The following SBNO2 variants were observed in gnomAD, a reference collection of about 807,000 sequenced individuals.
SBNO2 encodes the protein protein strawberry notch homolog 2.
SBNO2 carries 89 observed loss-of-function variants against 146.3 expected under a neutral mutation model. That is an observed-to-expected ratio of 0.61 (90% confidence interval 0.51 to 0.73). The LOEUF (loss-of-function observed/expected upper bound fraction) is 0.73. SBNO2 is among the 30% of genes least tolerant of loss of function. The pLI is 0.00. For missense variants in SBNO2, 2,092 were observed against 2,003.7 expected, an observed-to-expected ratio of 1.04 and a Z score of -0.84; for synonymous variants, 1,147 against 892.6, an observed-to-expected ratio of 1.29 and a Z score of -5.08.
intron 4 of SBNO2, chr19:1,131,961 C>T (rs886465315): frequency 1.2e-5 from 7 of 577,934 alleles, no homozygotes; most frequent in African/African-American, 7.9e-5. Flanking sequence ...TTTTTTAGAT[C>T]CTGGCGGCCT....
chr19:1,120,974 C>G (rs2079894505), intron 11 of SBNO2, among the ~76,000 whole-genome samples: 1 of 152,148 alleles, frequency 6.6e-6, no homozygotes, highest in Admixed American at 6.6e-5. Context: ...TCACTGCCAC[C>G]TCTGCCTCCT....
At position 1,144,234 on chromosome 19, in the gene SBNO2, A is replaced by G. The variant is rs2080165499; in HGVS notation, c.279+3075T>C. The stretch of plus-strand genomic sequence containing the variant: ...CCAGCCCACAGGACTGAGCTGACCC[A>G]CACCCGTCCCATCCCACACTCAGCA... On this transcript the variant is annotated intron_variant, in intron 4 of 31. Transcript: ENST00000361757. This position sits in a 1 kb window ranked among gnomAD's most constrained non-coding sequence, Gnocchi z 4.1. 6.6e-6 allele frequency among the ~76,000 whole-genome samples: 1 copy of G among 151,436 alleles called. No homozygotes were observed. Among genetic ancestry groups the G allele is most frequent in the South Asian group, 2.1e-4 (1 of 4,802 alleles).
At position 1,126,116 on chromosome 19, in the gene SBNO2, T is replaced by C. The variant is rs566331713; in HGVS notation, c.441+1488A>G. Among the ~76,000 whole-genome samples the C allele has an allele frequency of 2.0e-5, 3 of 152,322 alleles. No individual in the cohort carries two copies. Among genetic ancestry groups the C allele is most frequent in the Admixed American group, 6.5e-5 (1 of 15,292 alleles). ...GCCTGCCTGAGCCCGGGCCGGGTTCTCGGCAGTGTGTGGGAGCCACCAGGC... is the reference window on the plus strand; with the variant it reads ...GCCTGCCTGAGCCCGGGCCGGGTTCCCGGCAGTGTGTGGGAGCCACCAGGC... On this transcript the variant is annotated intron_variant, in intron 5 of 31. Transcript: ENST00000361757. The surrounding 1 kb of genome is among the most constrained non-coding windows in gnomAD (Gnocchi z 4.4).
At position 1,114,420 on chromosome 19, in the gene SBNO2, G is replaced by A. The variant is rs1366472161; in HGVS notation, c.1888C>T (p.Arg630Ter). The stretch of plus-strand genomic sequence containing the variant: ...GCTTTGGCCCCGCGTCCCCGAGGTC[G>A]CCCTGCAGGGAAGGACAGGGTCACC... ...DRGAGSKRKRRPRGRGAKAPR... is the reference protein window; with the variant it reads ...DRGAGSKRKR The change falls in exon 18 of 32, where the codon CGA (arginine) becomes TGA (stop). Residue 630 changes from arginine to a stop codon, truncating the protein, a stop_gained and splice_region_variant. Coordinates refer to ENST00000361757, the MANE Select transcript of SBNO2 (RefSeq NM_014963.3). LOFTEE classifies it high-confidence loss of function. 7 of 1,523,752 alleles carry A rather than the reference G, an allele frequency of 4.6e-6. No homozygotes were observed. The highest frequency in any genetic ancestry group is 2.1e-5 in the Admixed American group (1 of 48,330). The allele number at this position is 1,523,752 out of a possible 1,614,324, so 94.4% of individuals were successfully genotyped here. A position where few individuals can be genotyped will look rare whatever the true frequency, so the allele number is the denominator to read the frequency against.
intron 5 of SBNO2, among the ~76,000 whole-genome samples, chr19:1,125,024 A>T (rs1490801718): frequency 6.6e-6 from 1 of 152,042 alleles, no homozygotes; most frequent in Admixed American, 6.6e-5. Context: ...ACTCTTAAAA[A>T]GCAAAAATCC....
chr19:1,110,401 C>T lies in SBNO2; in HGVS notation c.3028+344G>A, dbSNP rs931125578. On this transcript the variant is annotated intron_variant, in intron 26 of 31. Transcript: ENST00000361757. The surrounding 1 kb of genome is among the most constrained non-coding windows in gnomAD (Gnocchi z 4.9). ...CACCAGCCTGGGCACCTTCCAGAGA[C>T]GTGCACGGTGATCCCACGAGCCCTG... 3.3e-5 allele frequency among the ~76,000 whole-genome samples: 5 copies of T among 152,168 alleles called. No homozygotes were observed. Among genetic ancestry groups the T allele is most frequent in the African/African-American group, 9.7e-5 (4 of 41,408 alleles).
rs759043087 is a variant in SBNO2, at chr19:1,114,237, C to T, written c.2071G>A (p.Asp691Asn). 37 of 1,491,512 alleles carry T rather than the reference C, an allele frequency of 2.5e-5. 1 individual carries two copies. In the South Asian group the frequency reaches 3.5e-4, roughly 14 times the overall value. 92.4% of individuals were successfully genotyped at this position (1,491,512 alleles called of 1,614,324 possible). Residue 691 changes from aspartate (D) to asparagine (N), a missense_variant, in exon 18 of 32, where the codon GAC becomes AAC. By Grantham distance (23) the Asp-to-Asn change is conservative. Coordinates refer to ENST00000361757, the MANE Select transcript of SBNO2 (RefSeq NM_014963.3). ...IVDAVGLPSD[D>N]RGPLCLLQRD... is the part of the protein sequence containing the mutation. Reference sequence around the variant, plus strand: ...AGCCTGGGCAAGCCCTCACCCCGGTCGTCACTGGGGAGCCCGACTGCATCA... The same window carrying T: ...AGCCTGGGCAAGCCCTCACCCCGGTTGTCACTGGGGAGCCCGACTGCATCA...
At chr19:1,164,269 G>A (rs921620981) in intron 1 of SBNO2, among the ~76,000 whole-genome samples, 29 of 152,166 alleles carry the variant, frequency 1.9e-4, no homozygotes, top group Non-Finnish European at 3.2e-4. Context: ...GCGGGTGGCC[G>A]AACTGACAGC....
intron 7 of SBNO2, among the ~76,000 whole-genome samples, 159 bp downstream of exon 7, chr19:1,123,375 T>C (rs1195347936): frequency 6.6e-6 from 1 of 152,118 alleles, no homozygotes; most frequent in East Asian, 1.9e-4. Context: ...CCCGGTTTTG[T>C]ATAAGCCTGG....
At chr19:1,163,784 A>G (rs1446619851) in intron 1 of SBNO2, among the ~76,000 whole-genome samples, 2 of 152,168 alleles carry the variant, frequency 1.3e-5, no homozygotes, top group East Asian at 3.9e-4. Flanking sequence ...CCCTCAATTT[A>G]GGATGAGGAC....
chr19:1,112,191 G>T lies in SBNO2; in HGVS notation c.2626C>A (p.Leu876Met). Reference sequence around the variant, plus strand: ...CAGCCCCACCCCCACCTGCTCACCAGACTCTCCAGGCGCTTGGCCACGATG... The same window carrying T: ...CAGCCCCACCCCCACCTGCTCACCATACTCTCCAGGCGCTTGGCCACGATG... ...ASIVAKRLESLGALTHGDRRA... is the reference protein window; with the variant it reads ...ASIVAKRLESMGALTHGDRRA... Residue 876 changes from leucine to methionine, a missense_variant and splice_region_variant, in exon 22 of 32, where the codon CTG (leucine) becomes ATG (methionine). Coordinates refer to ENST00000361757, the MANE Select transcript of SBNO2 (RefSeq NM_014963.3). The surrounding 1 kb of genome is among the most constrained non-coding windows in gnomAD (Gnocchi z 5.9). 1 of 1,585,290 alleles carries T rather than the reference G, an allele frequency of 6.3e-7. No individual in the cohort carries two copies. The highest frequency in any genetic ancestry group is 2.3e-5 in the East Asian group (1 of 43,634).
At chr19:1,119,729 C>A (rs2079877465) in intron 12 of SBNO2, 108 bp from the exon 13 acceptor site, 2 of 1,071,520 alleles carry the variant, frequency 1.9e-6, no homozygotes, top group African/African-American at 3.1e-5. Flanking sequence ...GGGGTTGGAG[C>A]CATGGGCCTG....
rs2079767918 is a variant in SBNO2, at chr19:1,111,985, C to T, written c.2700+11G>A. On this transcript the variant is annotated intron_variant, in intron 23 of 31. Coordinates refer to ENST00000361757, the MANE Select transcript of SBNO2 (RefSeq NM_014963.3). ...CTGCCCCGCCCCCCAACCCTGCCTT[C>T]CCTGCAGTACCTTGTTCTCAAAGTT... is the stretch of plus-strand genomic sequence containing the variant. 3.8e-6 allele frequency: 6 copies of T among 1,585,790 alleles called. No individual in the cohort carries two copies. The highest frequency in any genetic ancestry group is 1.3e-5 in the African/African-American group (1 of 74,350).
At chr19:1,162,934 T>C (rs540782842) in intron 1 of SBNO2, among the ~76,000 whole-genome samples, 2 of 152,092 alleles carry the variant, frequency 1.3e-5, no homozygotes, top group East Asian at 1.9e-4. Context: ...GGGCCACCAA[T>C]GTGGACGGGA....
chr19:1,147,367 C>G lies in SBNO2; in HGVS notation c.221G>C (p.Ser74Thr), dbSNP rs767916417. ...GGAGGCGGTGGCCACGGGGGCATAG[C>G]TGGTGTCTGGGCAGGGCTGGCTGCC... ...FLGSQPCPDTSYAPVATASSL... is the reference protein window; with the variant it reads ...FLGSQPCPDTTYAPVATASSL... The change falls in exon 4 of 32, where the codon AGC becomes ACC. Residue 74 changes from serine (S) to threonine (T), a missense_variant. Coordinates refer to ENST00000361757, the MANE Select transcript of SBNO2 (RefSeq NM_014963.3). 22 of 1,508,184 alleles carry G rather than the reference C, an allele frequency of 1.5e-5. No individual in the cohort carries two copies. The highest frequency in any genetic ancestry group is 1.8e-5 in the Non-Finnish European group (20 of 1,133,436). 93.4% of individuals were successfully genotyped at this position (1,508,184 alleles called of 1,614,324 possible).
At chr19:1,133,151 C>A (rs1160826333) in intron 4 of SBNO2, among the ~76,000 whole-genome samples, 1 of 152,060 alleles carries the variant, frequency 6.6e-6, no homozygotes, top group Non-Finnish European at 1.5e-5. Context: ...GGAGGACGGC[C>A]GGGCTGTGGA....
rs1456835993 is a variant in SBNO2, at chr19:1,122,528, A to G, written c.945T>C (p.Asp315=). 4.5e-6 allele frequency: 7 copies of G among 1,558,410 alleles called. No individual in the cohort carries two copies. Among genetic ancestry groups the G allele is most frequent in the African/African-American group, 2.7e-5 (2 of 73,638 alleles). The change falls in exon 10 of 32, where the codon GAT becomes GAC. Residue 315 remains aspartate, a synonymous_variant. Coordinates refer to ENST00000361757, the MANE Select transcript of SBNO2 (RefSeq NM_014963.3). ...CGATGTCCCGCAGGTCGCGCTCCGC[A>G]TCGTACTTGAGGTCGTTGGAGACGC... ...WFSVSNDLKY[D]AERDLRDIEA...
intron 1 of SBNO2, chr19:1,155,055 C>A (rs961719269): frequency 6.6e-5 from 10 of 152,310 alleles, no homozygotes; most frequent in African/African-American, 2.2e-4. Flanking sequence ...CGGCCAGACG[C>A]CCGCCAGGCT....
chr19:1,141,057 G>C (rs150892205), intron 4 of SBNO2, among the ~76,000 whole-genome samples: 1,689 of 152,006 alleles, frequency 0.011, 35 homozygotes, highest in African/African-American at 0.039. Context: ...ACGCACCCCG[G>C]AGAAGAGGCG....
Sources: allele counts gnomAD v4.1 joint callset (sites outside exome capture counted in the v4.1 genomes callset), GRCh38; gene constraint gnomAD v4.1.1; non-coding constraint Gnocchi (gnomAD v3.1); transcripts MANE v1.5; gene names NCBI Gene and HGNC (gene_info 2026-07-23, HGNC 2026-07-21).